IGF2BP3: variants seen among roughly 807,000 people sequenced by gnomAD.
IGF2BP3 encodes insulin like growth factor 2 mRNA binding protein 3.
Under a neutral mutation model 73.8 loss-of-function variants are expected in IGF2BP3, and 9 were observed. The ratio of observed to expected loss-of-function variants is 0.12; its 90% CI spans 0.07 to 0.21. IGF2BP3 has a LOEUF of 0.21. IGF2BP3 is among the 10% of genes least tolerant of loss of function. The pLI is 1.00. For synonymous variants in IGF2BP3, 258 were observed against 256.7 expected (o/e 1.01, Z -0.05); for missense variants, 542 against 714.0 (o/e 0.76, Z 2.75).
chr7:23,448,812 A>C (rs142437821), intron 2 of IGF2BP3, among the ~76,000 whole-genome samples: 2,948 of 152,024 alleles, frequency 0.019, 98 homozygotes, highest in African/African-American at 0.068. Context: ...TTGTATTTTT[A>C]GTAGAGATGG....
intron 3 of IGF2BP3, among the ~76,000 whole-genome samples, chr7:23,389,159 T>C (rs900310759): frequency 5.3e-4 from 24 of 44,990 alleles, no homozygotes; most frequent in African/African-American, 9.9e-4. Context: ...AATTATTCCC[T>C]TTTTTTTTTT....
intron 3 of IGF2BP3, among the ~76,000 whole-genome samples, chr7:23,384,507 C>A (rs1319174670): frequency 6.6e-6 from 1 of 152,092 alleles, no homozygotes; most frequent in African/African-American, 2.4e-5. Flanking sequence ...AGACTGGAAA[C>A]AATTTATACA....
chr7:23,353,960 G>C (rs1016459016), intron 5 of IGF2BP3, among the ~76,000 whole-genome samples: 10 of 152,206 alleles, frequency 6.6e-5, no homozygotes, highest in African/African-American at 2.2e-4. Context: ...ATGCAGAAGA[G>C]TCAACCAACT....
At chr7:23,437,073 C>T (rs147580964) in intron 2 of IGF2BP3, among the ~76,000 whole-genome samples, 2 of 151,174 alleles carry the variant, frequency 1.3e-5, no homozygotes, top group African/African-American at 4.9e-5. Context: ...GAGCTGAGAT[C>T]GTGCGACTGC....
At position 23,377,732 on chromosome 7, in the gene IGF2BP3, C is replaced by G. The variant is rs116061280; in HGVS notation, c.286-15991G>C. 3.4e-3 allele frequency among the ~76,000 whole-genome samples: 513 copies of G among 152,166 alleles called. 3 individuals carry two copies. The highest frequency in any genetic ancestry group is 0.012 in the African/African-American group (500 of 41,496). On this transcript the variant is annotated intron_variant, in intron 3 of 14. Coordinates refer to ENST00000258729, the MANE Select transcript of IGF2BP3 (RefSeq NM_006547.3). ...GTCCATCAGCTGCTGGATGGATAAA[C>G]AGTAAGTGGTATATTCACACAATAA...
intron 3 of IGF2BP3, among the ~76,000 whole-genome samples, chr7:23,390,531 T>G (rs1396225326): frequency 6.6e-6 from 1 of 152,056 alleles, no homozygotes; most frequent in African/African-American, 2.4e-5. Flanking sequence ...TCGTTAGGAG[T>G]AGCTGGTGGG....
chr7:23,423,103 G>T (rs945945689), intron 2 of IGF2BP3, among the ~76,000 whole-genome samples: 4 of 152,180 alleles, frequency 2.6e-5, no homozygotes, highest in Non-Finnish European at 4.4e-5. Flanking sequence ...ATCTAGAATT[G>T]TTCTTTCCCA....
intron 7 of IGF2BP3, 93 bp from the exon 8 acceptor site, chr7:23,346,155 C>A (rs574818489): frequency 7.1e-7 from 1 of 1,399,042 alleles, no homozygotes; most frequent in South Asian, 1.4e-5. Context: ...TACTTCCTAC[C>A]TACCATCTGG....
rs1783853971 is a variant in IGF2BP3, at chr7:23,312,303, G to A, written c.*59C>T. ...ATAGGGGGTCAGCGCCCATCTGTTG[G>A]TTAAGCAATCTGTCTTTGGTTTGGC... On this transcript the variant is annotated 3_prime_UTR_variant, in exon 15 of 15. Coordinates refer to ENST00000258729, the MANE Select transcript of IGF2BP3 (RefSeq NM_006547.3). The A allele has an allele frequency of 8.0e-7, 1 of 1,248,490 alleles. No homozygotes were observed. The highest frequency in any genetic ancestry group is 1.2e-6 in the Non-Finnish European group (1 of 850,122). 77.3% of individuals were successfully genotyped at this position (1,248,490 alleles called of 1,614,324 possible).
At chr7:23,387,869 T>A (rs116517102) in intron 3 of IGF2BP3, among the ~76,000 whole-genome samples, 16 of 152,304 alleles carry the variant, frequency 1.1e-4, no homozygotes, top group African/African-American at 3.8e-4. Context: ...AACCACCAAG[T>A]GTTGTCAAGG....
At chr7:23,438,064 T>A (rs899143438) in intron 2 of IGF2BP3, among the ~76,000 whole-genome samples, 1 of 152,222 alleles carries the variant, frequency 6.6e-6, no homozygotes, top group Non-Finnish European at 1.5e-5. Flanking sequence ...TTCAATATAA[T>A]AACAACATGA....
At chr7:23,375,129 T>G (rs891845319) in intron 3 of IGF2BP3, among the ~76,000 whole-genome samples, 6 of 152,202 alleles carry the variant, frequency 3.9e-5, no homozygotes, top group African/African-American at 1.4e-4. Context: ...ATAATCCATC[T>G]TATTTATGCC....
intron 3 of IGF2BP3, among the ~76,000 whole-genome samples, chr7:23,363,150 G>A (rs1200458004): frequency 6.6e-6 from 1 of 152,174 alleles, no homozygotes; most frequent in Non-Finnish European, 1.5e-5. Context: ...CTAAACTTAA[G>A]CAATTTCTTC....
chr7:23,462,223 T>C (rs886317804), intron 2 of IGF2BP3, among the ~76,000 whole-genome samples: 2 of 152,230 alleles, frequency 1.3e-5, no homozygotes, highest in Non-Finnish European at 2.9e-5. Flanking sequence ...GGTTTGCTTA[T>C]GCAGCAATAG....
intron 3 of IGF2BP3, among the ~76,000 whole-genome samples, chr7:23,394,287 C>T (rs1194107964): frequency 1.3e-5 from 2 of 152,110 alleles, no homozygotes; most frequent in African/African-American, 2.4e-5. Flanking sequence ...AACAACATGG[C>T]GAAACCCTGT....
intron 2 of IGF2BP3, among the ~76,000 whole-genome samples, chr7:23,439,602 T>C (rs1195659918): frequency 6.6e-6 from 1 of 151,036 alleles, no homozygotes; most frequent in Non-Finnish European, 1.5e-5. Flanking sequence ...CTGTCCCTTA[T>C]GATAATGTAG....
intron 5 of IGF2BP3, among the ~76,000 whole-genome samples, chr7:23,356,475 T>A (rs1350305614): frequency 1.3e-5 from 2 of 152,182 alleles, no homozygotes; most frequent in Non-Finnish European, 2.9e-5. Flanking sequence ...GAGGACTGGT[T>A]GAGCCCAGGA....
chr7:23,328,888 T>C (rs1784371203), intron 10 of IGF2BP3, among the ~76,000 whole-genome samples: 1 of 152,068 alleles, frequency 6.6e-6, no homozygotes, highest in South Asian at 2.1e-4. Flanking sequence ...GGCAGACATA[T>C]TCTATGAGTA....
intron 2 of IGF2BP3, among the ~76,000 whole-genome samples, chr7:23,431,574 A>G (rs1787677567): frequency 6.6e-6 from 1 of 152,160 alleles, no homozygotes; most frequent in African/African-American, 2.4e-5. Context: ...AAAGAAAAGC[A>G]TACTTCCTGC....
Sources: gnomAD v4.1 joint callset for allele counts (sites outside exome capture counted in the v4.1 genomes callset) on GRCh38, gnomAD v4.1.1 for gene constraint, MANE v1.5 for transcripts, NCBI Gene and HGNC (gene_info 2026-07-23, HGNC 2026-07-21) for gene names.